Variants in RARB observed in about 807,000 individuals in gnomAD.
RARB encodes retinoic acid receptor beta, also known as HBV-activated protein.
Under a neutral mutation model 51.9 loss-of-function variants are expected in RARB, and 17 were observed. The ratio of observed to expected loss-of-function variants is 0.33; its 90% CI spans 0.22 to 0.49. The LOEUF is 0.49. Ranked by LOEUF, RARB falls within the 20% of genes least tolerant of loss-of-function variation. The pLI is 0.99. For synonymous variants in RARB, 215 were observed against 195.4 expected (o/e 1.10, Z -0.84); for missense variants, 369 against 550.8 (o/e 0.67, Z 3.30).
chr3:25,280,236 C>T (rs1703488323), intron 5 of RARB, among the ~76,000 whole-genome samples: 1 of 152,026 alleles, frequency 6.6e-6, no homozygotes, highest in African/African-American at 2.4e-5. Context: ...CTTAGCAAGG[C>T]CTGTTTGTTC....
At chr3:25,492,142 G>C (rs114230434) in intron 2 of RARB, among the ~76,000 whole-genome samples, 2,728 of 152,186 alleles carry the variant, frequency 0.018, 79 homozygotes, top group African/African-American at 0.06. Context: ...TGAAAATTTT[G>C]TTTTGAGATA....
intron 2 of RARB, among the ~76,000 whole-genome samples, chr3:24,972,239 G>C (rs1696416168): frequency 6.6e-6 from 1 of 151,954 alleles, no homozygotes; most frequent in Non-Finnish European, 1.5e-5. Flanking sequence ...GAGAACATGT[G>C]ATATTTGTCT....
chr3:25,551,703 G>A (rs142569756), intron 3 of RARB, among the ~76,000 whole-genome samples: 269 of 152,256 alleles, frequency 1.8e-3, no homozygotes, highest in African/African-American at 5.8e-3. Context: ...GCTTGGGCAT[G>A]GATCTCATTA....
chr3:25,387,985 C>T (rs185097048), intron 5 of RARB, among the ~76,000 whole-genome samples: 13 of 152,108 alleles, frequency 8.5e-5, no homozygotes, highest in African/African-American at 2.4e-4. Flanking sequence ...AGACTTCCCC[C>T]GTCTCATTGA....
At chr3:24,918,835 G>A (rs1207373621) in intron 2 of RARB, among the ~76,000 whole-genome samples, 1 of 152,184 alleles carries the variant, frequency 6.6e-6, no homozygotes, top group East Asian at 1.9e-4. Context: ...AGGTTGCAGT[G>A]AGCCAGATCA....
At chr3:25,489,325 A>T (rs911500147) in intron 2 of RARB, among the ~76,000 whole-genome samples, 1 of 152,258 alleles carries the variant, frequency 6.6e-6, no homozygotes, top group Non-Finnish European at 1.5e-5. Flanking sequence ...AATTTGGAAT[A>T]AATCAGTAAG....
At chr3:24,950,437 C>T (rs1322440261) in intron 2 of RARB, among the ~76,000 whole-genome samples, 1 of 152,122 alleles carries the variant, frequency 6.6e-6, no homozygotes, top group African/African-American at 2.4e-5. Context: ...TACATGAGAC[C>T]TGATTTTCAT....
At chr3:25,107,153 G>A (rs1239174815) in intron 3 of RARB, among the ~76,000 whole-genome samples, 6 of 151,782 alleles carry the variant, frequency 4.0e-5, no homozygotes, top group Non-Finnish European at 5.9e-5. Context: ...TACCTGCCTC[G>A]GCCTCCCAAA....
intron 5 of RARB, among the ~76,000 whole-genome samples, chr3:25,390,047 T>A (rs1443766155): frequency 6.6e-6 from 1 of 152,192 alleles, no homozygotes; most frequent in Non-Finnish European, 1.5e-5. Flanking sequence ...TTATTTATCT[T>A]ATCGAGTGCT....
chr3:24,873,129 G>T (rs989430336), intron 2 of RARB, among the ~76,000 whole-genome samples: 1 of 152,172 alleles, frequency 6.6e-6, no homozygotes, highest in South Asian at 2.1e-4. Context: ...TGACAAACTA[G>T]ATTTGGCCCA....
chr3:25,495,467 A>G (rs967089410), intron 2 of RARB, among the ~76,000 whole-genome samples: 1 of 152,258 alleles, frequency 6.6e-6, no homozygotes, highest in Non-Finnish European at 1.5e-5. Flanking sequence ...GATAATAGGA[A>G]TGATTGGAAA....
intron 5 of RARB, among the ~76,000 whole-genome samples, chr3:25,210,102 C>A (rs918665808): frequency 6.6e-6 from 1 of 152,060 alleles, no homozygotes; most frequent in Non-Finnish European, 1.5e-5. Flanking sequence ...AGAATAGGCT[C>A]TATTGCTTCT....
chr3:24,953,560 A>T (rs1695944409), intron 2 of RARB, among the ~76,000 whole-genome samples: 1 of 152,174 alleles, frequency 6.6e-6, no homozygotes, highest in Admixed American at 6.5e-5. Context: ...GAGTGTCAAA[A>T]CACCTACCTG....
At chr3:24,916,273 T>C (rs775275378) in intron 2 of RARB, among the ~76,000 whole-genome samples, 1 of 151,996 alleles carries the variant, frequency 6.6e-6, no homozygotes, top group East Asian at 1.9e-4. Context: ...AGAAAGAAAG[T>C]TGAAAAGAAT....
At chr3:25,297,661 T>C (rs1703948488) in intron 5 of RARB, among the ~76,000 whole-genome samples, 1 of 152,008 alleles carries the variant, frequency 6.6e-6, no homozygotes, top group South Asian at 2.1e-4. Flanking sequence ...GTAATTATAG[T>C]CTTATTTTTT....
chr3:25,065,361 C>G (rs1373069058), intron 3 of RARB, among the ~76,000 whole-genome samples: 1 of 152,082 alleles, frequency 6.6e-6, no homozygotes, highest in Non-Finnish European at 1.5e-5. Flanking sequence ...TGCTTTTCCT[C>G]TAGACATTGC....
chr3:25,521,560 T>G (rs1018770250), intron 3 of RARB, among the ~76,000 whole-genome samples: 1 of 152,146 alleles, frequency 6.6e-6, no homozygotes, highest in African/African-American at 2.4e-5. Flanking sequence ...TTAATAAATG[T>G]GGAAGAGAGC....
intron 5 of RARB, among the ~76,000 whole-genome samples, chr3:25,398,107 T>C (rs2125492243): frequency 6.6e-6 from 1 of 152,290 alleles, no homozygotes; most frequent in Non-Finnish European, 1.5e-5. Context: ...TCTCAATTTA[T>C]GTATCCAGGC....
chr3:25,398,564 A>G (rs142951571), intron 5 of RARB, among the ~76,000 whole-genome samples: 1 of 152,300 alleles, frequency 6.6e-6, no homozygotes, highest in African/African-American at 2.4e-5. Flanking sequence ...GAGAGATGAC[A>G]GTTTTAATGT....
Sources: allele counts gnomAD v4.1 joint callset (sites outside exome capture counted in the v4.1 genomes callset), GRCh38; gene constraint gnomAD v4.1.1; transcripts MANE v1.5; gene names NCBI Gene and HGNC (gene_info 2026-07-23, HGNC 2026-07-21).